LNX1: variants seen among roughly 807,000 people sequenced by gnomAD.
LNX1 encodes the protein E3 ubiquitin-protein ligase LNX.
A neutral mutation model predicts 68.4 loss-of-function variants in LNX1; 54 were observed. The ratio of observed to expected loss-of-function variants is 0.79; its 90% CI spans 0.63 to 0.99. The LOEUF (loss-of-function observed/expected upper bound fraction) is 0.99, where lower values mean the gene tolerates loss of function less well. LNX1 is among the 50% of genes least tolerant of loss of function. The pLI, the probability that LNX1 is intolerant of heterozygous loss-of-function variation, is 0.00. For synonymous variants in LNX1, 336 were observed against 350.0 expected, an observed-to-expected ratio of 0.96 and a Z score of 0.45; for missense variants, 906 against 926.4, an observed-to-expected ratio of 0.98 and a Z score of 0.29.
chr4:53,473,904 T>G (rs2109396961), intron 9 of LNX1, among the ~76,000 whole-genome samples: 1 of 152,162 alleles, frequency 6.6e-6, no homozygotes, highest in East Asian at 1.9e-4. Context: ...AAGAAACAAA[T>G]TTCTAGAGTC....
chr4:53,504,943 TATA>T (rs1487201361), intron 4 of LNX1, among the ~76,000 whole-genome samples: 6 of 152,118 alleles, frequency 3.9e-5, no homozygotes, highest in African/African-American at 1.4e-4. Flanking sequence ...CCATAACAGA[TATA>T]ATAATGAAAA....
At position 53,459,526 on chromosome 4, in the gene LNX1, T is replaced by TAAGA; in HGVS notation, c.*1377_*1380dup. The TAAGA allele has an allele frequency of 6.3e-7, 1 of 1,585,634 alleles. No individual in the cohort carries two copies. The highest frequency in any genetic ancestry group is 8.6e-7 in the Non-Finnish European group (1 of 1,158,382). On this transcript the variant is annotated 3_prime_UTR_variant, in exon 11 of 11. Coordinates refer to ENST00000263925, the MANE Select transcript of LNX1 (RefSeq NM_001126328.3). ...TCTTGTTATTTTTCTGGATAATGTT[T>TAAGA]AAGAAATTTACCTTAAATCTTGTTC... is the stretch of plus-strand genomic sequence containing the variant.
chr4:53,566,221 G>T (rs1347996461), intron 2 of LNX1, among the ~76,000 whole-genome samples: 1 of 151,558 alleles, frequency 6.6e-6, no homozygotes, highest in Non-Finnish European at 1.5e-5. Flanking sequence ...TTGAAATGAA[G>T]GAAAAAATGT....
At chr4:53,579,560 A>G (rs1185673778) in intron 1 of LNX1, among the ~76,000 whole-genome samples, 1 of 152,154 alleles carries the variant, frequency 6.6e-6, no homozygotes, top group African/African-American at 2.4e-5. Context: ...ATAAAGACAC[A>G]TACCAGAGCA....
chr4:53,619,909 G>A (rs1358985766), upstream of LNX1, among the ~76,000 whole-genome samples: 4 of 152,158 alleles, frequency 2.6e-5, no homozygotes, highest in Non-Finnish European at 5.9e-5. Flanking sequence ...AACCATCCCA[G>A]TGGGTGTGGC....
chr4:53,586,454 TGAA>T (rs1169552282), intron 1 of LNX1, among the ~76,000 whole-genome samples: 17 of 152,200 alleles, frequency 1.1e-4, no homozygotes, highest in Non-Finnish European at 2.1e-4. Context: ...CTGCTGCTGG[TGAA>T]GTCTTTTGTG....
At chr4:53,605,444 T>C (rs1733189736) in intron 2 of LNX1, among the ~76,000 whole-genome samples, 1 of 151,914 alleles carries the variant, frequency 6.6e-6, no homozygotes, top group Non-Finnish European at 1.5e-5. Context: ...GGGTGGGGGG[T>C]AAAGTACCTA....
chr4:53,480,281 C>T (rs978703004), intron 7 of LNX1, among the ~76,000 whole-genome samples: 3 of 152,030 alleles, frequency 2.0e-5, no homozygotes, highest in Non-Finnish European at 4.4e-5. Flanking sequence ...TCAGTTTGCA[C>T]GTTTCCAGGA....
At position 53,590,016 on chromosome 4, in the gene LNX1, T is replaced by A. The variant is rs116401356; in HGVS notation, c.-87+1372A>T. 1.4e-3 allele frequency among the ~76,000 whole-genome samples: 217 copies of A among 152,290 alleles called. 1 individual carries two copies. The highest frequency in any genetic ancestry group is 5.2e-3 in the African/African-American group (214 of 41,548). On this transcript the variant is annotated intron_variant, in intron 1 of 10. Coordinates refer to ENST00000263925, the MANE Select transcript of LNX1 (RefSeq NM_001126328.3). ...GAGGAGAGGTTTAGATGCACTTTTA[T>A]CAGAAGATCCAAGCTTTGAATCAAG...
chr4:53,482,484 A>G (rs762808291), intron 6 of LNX1, among the ~76,000 whole-genome samples: 5 of 152,256 alleles, frequency 3.3e-5, no homozygotes, highest in Non-Finnish European at 7.3e-5. Flanking sequence ...AGGTAGATAA[A>G]GAAAATGTGG....
chr4:53,459,494 C>G lies in LNX1; in HGVS notation c.*1413G>C. ...TGTATATTAGTACCAGAAGTAGATACTATAAATCTTGTTATTTTTCTGGAT... is the reference window on the plus strand; with the variant it reads ...TGTATATTAGTACCAGAAGTAGATAGTATAAATCTTGTTATTTTTCTGGAT... On this transcript the variant is annotated 3_prime_UTR_variant, in exon 11 of 11. Coordinates refer to ENST00000263925, the MANE Select transcript of LNX1 (RefSeq NM_001126328.3). 6.2e-7 allele frequency: 1 copy of G among 1,609,574 alleles called. No individual in the cohort carries two copies. The highest frequency in any genetic ancestry group is 1.3e-5 in the African/African-American group (1 of 74,832).
intron 9 of LNX1, among the ~76,000 whole-genome samples, chr4:53,469,907 GA>G (rs1228663761): frequency 6.6e-6 from 1 of 152,192 alleles, no homozygotes; most frequent in East Asian, 1.9e-4. Flanking sequence ...AATTCTACCA[GA>G]AGTACAAGGA....
rs190242576 is a variant in LNX1, at chr4:53,640,536, G to A, written c.-215+11632C>T. Among the ~76,000 whole-genome samples, 293 of 152,298 alleles carry A rather than the reference G, an allele frequency of 1.9e-3. 5 individuals are homozygous for A. The highest frequency in any genetic ancestry group is 2.2e-3 in the Non-Finnish European group (147 of 68,024). Reference sequence around the variant, plus strand: ...CATATGAAAACACATACATTTCATTGCTAAAAATAAAGAATCAAAAGTGCT... The same window carrying A: ...CATATGAAAACACATACATTTCATTACTAAAAATAAAGAATCAAAAGTGCT... On this transcript the variant is annotated intron_variant, in intron 1 of 2. Transcript: ENST00000507168.
At chr4:53,625,844 CGTGTGT>C (rs59366709) in intron 1 of LNX1, among the ~76,000 whole-genome samples, 1,692 of 144,244 alleles carry the variant, frequency 0.012, 34 homozygotes, top group African/African-American at 0.041. Context: ...AATTCCACCC[CGTGTGT>C]GTGTGTGTGT....
At chr4:53,600,938 C>T (rs541507608) in intron 2 of LNX1, among the ~76,000 whole-genome samples, 6 of 147,408 alleles carry the variant, frequency 4.1e-5, no homozygotes, top group East Asian at 2.3e-4. Context: ...TTTAGCCAGG[C>T]GTGGCAGTGG....
intron 2 of LNX1, among the ~76,000 whole-genome samples, chr4:53,563,452 G>C (rs553945922): frequency 3.3e-5 from 5 of 152,284 alleles, no homozygotes; most frequent in African/African-American, 1.2e-4. Flanking sequence ...CCCTCCTAAG[G>C]GGAGTAAGAG....
chr4:53,504,900 A>G (rs979183502), intron 4 of LNX1, among the ~76,000 whole-genome samples: 5 of 152,220 alleles, frequency 3.3e-5, no homozygotes, highest in Non-Finnish European at 5.9e-5. Flanking sequence ...AACAATTACA[A>G]TAGTAACGCC....
chr4:53,469,625 T>A (rs1722994726), intron 9 of LNX1, among the ~76,000 whole-genome samples: 1 of 151,234 alleles, frequency 6.6e-6, no homozygotes, highest in South Asian at 2.1e-4. Context: ...GAGAGAAGAA[T>A]CAAATAGATG....
rs1245681493 is a variant in LNX1, at chr4:53,609,649, AATACTATTATAGTACTATT to A, written c.-215+6849_-215+6867del. Among the ~76,000 whole-genome samples, 12 of 145,432 alleles carry A rather than the reference AATACTATTATAGTACTATT, an allele frequency of 8.3e-5. No individual in the cohort carries two copies. In the South Asian group the frequency reaches 1.7e-3, roughly 20 times the overall value. Reference sequence around the variant, plus strand: ...TAGTATATATAATTATACTATTTATAATACTATTATAGTACTATTATACTATTATAGTACTATTATAATA... The same window carrying A: ...TAGTATATATAATTATACTATTTATAATACTATTATAGTACTATTATAATA... On this transcript the variant is annotated intron_variant, in intron 2 of 3. Transcript: ENST00000504299.
Sources: allele counts gnomAD v4.1 joint callset (sites outside exome capture counted in the v4.1 genomes callset), GRCh38; gene constraint gnomAD v4.1.1; transcripts MANE v1.5; gene names NCBI Gene and HGNC (gene_info 2026-07-23, HGNC 2026-07-21).